CORO2B: variants seen among roughly 807,000 people sequenced by gnomAD.
The protein encoded by CORO2B is coronin-2B.
In CORO2B, 26 loss-of-function variants were observed where a neutral mutation model predicts 58.8. The ratio of observed to expected loss-of-function variants is 0.44; its 90% CI spans 0.32 to 0.61. The LOEUF is 0.61. Ranked by LOEUF, CORO2B falls within the 20% of genes least tolerant of loss-of-function variation. The pLI, the probability that CORO2B is intolerant of heterozygous loss-of-function variation, is 0.04. For synonymous variants in CORO2B, 242 were observed against 253.8 expected (o/e 0.95, Z 0.44); for missense variants, 460 against 645.1 (o/e 0.71, Z 3.11).
rs1900168289 is a variant in CORO2B, at chr15:68,608,177, C to G, written c.15+28900C>G. On this transcript the variant is annotated intron_variant, in intron 1 of 11. Coordinates refer to ENST00000261861, the MANE Select transcript of CORO2B (RefSeq NM_006091.5). ...TTGCACTTAGGCAACCCAAACCAGACATGGGGGGCCTGAGCACGGCCACTG... is the reference window on the plus strand; with the variant it reads ...TTGCACTTAGGCAACCCAAACCAGAGATGGGGGGCCTGAGCACGGCCACTG... 2.0e-5 allele frequency among the ~76,000 whole-genome samples: 3 copies of G among 152,266 alleles called. No individual in the cohort carries two copies. The South Asian group carries it at 6.2e-4, about 31-fold the overall frequency.
intron 1 of CORO2B, among the ~76,000 whole-genome samples, chr15:68,597,649 T>TA (rs1029215327): frequency 4.7e-5 from 7 of 149,390 alleles, no homozygotes; most frequent in Non-Finnish European, 1.0e-4. Context: ...AATAAATAAA[T>TA]AAAAAATAAA....
At chr15:68,657,883 A>G (rs1259451114) in intron 2 of CORO2B, among the ~76,000 whole-genome samples, 1 of 152,212 alleles carries the variant, frequency 6.6e-6, no homozygotes, top group Non-Finnish European at 1.5e-5. Context: ...CCCCACTCAG[A>G]TTAAAGACCT....
chr15:68,621,089 G>C (rs1900503467), intron 1 of CORO2B, among the ~76,000 whole-genome samples: 1 of 152,218 alleles, frequency 6.6e-6, no homozygotes, highest in African/African-American at 2.4e-5. Flanking sequence ...GAGATCGGCA[G>C]TGAATATTCT....
rs62004274 is a variant in CORO2B at position 68,710,691 on chromosome 15, G to C, written c.334-41G>C. On this transcript the variant is annotated intron_variant, in intron 3 of 11. Transcript: ENST00000261861. The surrounding 1 kb of genome is among the most constrained non-coding windows in gnomAD (Gnocchi z 4.1). ...GGCACCTCTCATCAAGGGACTTCTT[G>C]GCCGTGTCCACCCAGCCTGGACCCT... 3 of 1,527,376 alleles carry C rather than the reference G, an allele frequency of 2.0e-6. No individual in the cohort carries two copies. Among genetic ancestry groups the C allele is most frequent in the Non-Finnish European group, 1.8e-6 (2 of 1,132,966 alleles). The allele number at this position is 1,527,376 out of a possible 1,614,324, so 94.6% of individuals were successfully genotyped here.
At chr15:68,590,377 C>A (rs573577908) in intron 1 of CORO2B, among the ~76,000 whole-genome samples, 4 of 152,146 alleles carry the variant, frequency 2.6e-5, no homozygotes, top group African/African-American at 9.7e-5. Context: ...CCCAGCCCTG[C>A]ACTTCTGTTC....
the CORO2B span, among the ~76,000 whole-genome samples, chr15:68,550,847 T>C: frequency 0.18 from 28,006 of 152,160 alleles, 2,719 homozygotes; most frequent in Middle Eastern, 0.29. Context: ...CTAAAATGGC[T>C]GTACTGTGTT....
the CORO2B span, among the ~76,000 whole-genome samples, chr15:68,524,880 G>T: frequency 6.6e-6 from 1 of 152,200 alleles, no homozygotes; most frequent in South Asian, 2.1e-4. Flanking sequence ...GCTGATCAGA[G>T]GCAGAGGCTC....
intron 1 of CORO2B, among the ~76,000 whole-genome samples, chr15:68,597,615 T>C (rs917870950): frequency 6.2e-5 from 9 of 145,220 alleles, no homozygotes; most frequent in African/African-American, 2.4e-4. Context: ...CTAATTTCTG[T>C]TTCCCCCCCA....
At position 68,655,922 on chromosome 15, in the gene CORO2B, T is replaced by A. The variant is rs180856447; in HGVS notation, c.216+10562T>A. ...AATGATTTAGGGTGCAGGAGGGGTGTGGGGAGTGGAACTAAGGTTGCCTGG... is the reference window on the plus strand; with the variant it reads ...AATGATTTAGGGTGCAGGAGGGGTGAGGGGAGTGGAACTAAGGTTGCCTGG... On this transcript the variant is annotated intron_variant, in intron 2 of 11. Coordinates refer to ENST00000261861, the MANE Select transcript of CORO2B (RefSeq NM_006091.5). 4.6e-5 allele frequency among the ~76,000 whole-genome samples: 7 copies of A among 152,222 alleles called. No homozygotes were observed. The East Asian group carries it at 5.8e-4, about 13-fold the overall frequency.
At chr15:68,656,330 C>T (rs923168053) in intron 2 of CORO2B, among the ~76,000 whole-genome samples, 2 of 152,022 alleles carry the variant, frequency 1.3e-5, no homozygotes, top group Admixed American at 1.3e-4. Context: ...TGTCTCCCCC[C>T]TTTCCATTCC....
chr15:68,648,975 G>A (rs534041100), intron 2 of CORO2B, among the ~76,000 whole-genome samples: 3 of 152,178 alleles, frequency 2.0e-5, no homozygotes, highest in South Asian at 2.1e-4. Context: ...TTTAGTACTC[G>A]ATTATTTTTA....
chr15:68,656,503 T>G (rs1226278786), intron 2 of CORO2B, among the ~76,000 whole-genome samples: 1 of 152,044 alleles, frequency 6.6e-6, no homozygotes, highest in East Asian at 1.9e-4. Context: ...AGACACTTGG[T>G]CAAGGTTGCA....
intron 1 of CORO2B, among the ~76,000 whole-genome samples, chr15:68,622,777 CAG>C (rs894992550): frequency 1.1e-4 from 16 of 152,334 alleles, no homozygotes; most frequent in Admixed American, 7.8e-4. Flanking sequence ...TCTGTCCTCT[CAG>C]AGTTTACAGT....
intron 11 of CORO2B, among the ~76,000 whole-genome samples, chr15:68,722,764 G>A (rs1477601427): frequency 6.6e-6 from 1 of 152,168 alleles, no homozygotes; most frequent in Non-Finnish European, 1.5e-5. Flanking sequence ...ATTTTTTTAA[G>A]TTAGTTAAAG....
intron 2 of CORO2B, among the ~76,000 whole-genome samples, chr15:68,686,491 C>T (rs897249282): frequency 3.3e-5 from 5 of 152,184 alleles, no homozygotes; most frequent in Middle Eastern, 3.2e-3. Flanking sequence ...TTGGGCAAGT[C>T]GCCTCCCAGA....
intron 2 of CORO2B, among the ~76,000 whole-genome samples, chr15:68,673,565 C>G (rs910177177): frequency 6.6e-6 from 1 of 152,008 alleles, no homozygotes; most frequent in African/African-American, 2.4e-5. Flanking sequence ...TGGCCGGGCT[C>G]CGTGGCACAT....
intron 2 of CORO2B, among the ~76,000 whole-genome samples, chr15:68,693,594 C>A (rs1261438202): frequency 6.6e-6 from 1 of 152,200 alleles, no homozygotes; most frequent in Non-Finnish European, 1.5e-5. Context: ...TTCCCCCTCC[C>A]TTCTCTGCCA....
chr15:68,526,867 T>C, the CORO2B span, among the ~76,000 whole-genome samples: 9 of 152,340 alleles, frequency 5.9e-5, no homozygotes, highest in South Asian at 1.9e-3. Flanking sequence ...AAAATTCCTA[T>C]GTTGAAGCTC....
the CORO2B span, among the ~76,000 whole-genome samples, chr15:68,536,487 C>T: frequency 6.6e-6 from 1 of 152,198 alleles, no homozygotes; most frequent in Non-Finnish European, 1.5e-5. Flanking sequence ...TCTATAATAG[C>T]ACAGCATTTC....
Sources: allele counts gnomAD v4.1 joint callset (sites outside exome capture counted in the v4.1 genomes callset), GRCh38; gene constraint gnomAD v4.1.1; non-coding constraint Gnocchi (gnomAD v3.1); transcripts MANE v1.5; gene names NCBI Gene and HGNC (gene_info 2026-07-23, HGNC 2026-07-21).